The following RBFOX1 variants were observed in gnomAD, a reference collection of about 807,000 sequenced individuals.
The protein encoded by RBFOX1 is RNA binding protein fox-1 homolog 1.
Under a neutral mutation model 57.7 loss-of-function variants are expected in RBFOX1, and 8 were observed. That is an observed-to-expected ratio of 0.14 (90% confidence interval 0.08 to 0.25). The LOEUF (loss-of-function observed/expected upper bound fraction) is 0.25. RBFOX1 is among the 10% of genes least tolerant of loss of function. RBFOX1 has a pLI of 1.00. For missense variants in RBFOX1, 611 were observed against 548.5 expected, an observed-to-expected ratio of 1.11 and a Z score of -1.14; for synonymous variants, 326 against 222.4, an observed-to-expected ratio of 1.47 and a Z score of -4.15.
chr16:6,144,188 A>G (rs1229947580), intron 1 of RBFOX1, among the ~76,000 whole-genome samples: 1 of 152,140 alleles, frequency 6.6e-6, no homozygotes, highest in Non-Finnish European at 1.5e-5. Context: ...TATATCCATT[A>G]GAATGCCATG....
intron 1 of RBFOX1, among the ~76,000 whole-genome samples, chr16:6,283,231 G>T (rs542276871): frequency 6.6e-6 from 1 of 152,280 alleles, no homozygotes; most frequent in Admixed American, 6.5e-5. Flanking sequence ...GGAGGCTGAG[G>T]TGGGAGGATC....
intron 4 of RBFOX1, among the ~76,000 whole-genome samples, chr16:7,164,097 G>C (rs2078949199): frequency 6.6e-6 from 1 of 152,092 alleles, no homozygotes; most frequent in Non-Finnish European, 1.5e-5. Context: ...CCAGTGTGTA[G>C]TCTTTTCTCC....
chr16:6,980,338 A>C (rs1186039379), intron 3 of RBFOX1, among the ~76,000 whole-genome samples: 3 of 152,214 alleles, frequency 2.0e-5, no homozygotes. Flanking sequence ...TTTTTGTTCC[A>C]GATGAGGACT....
At chr16:7,090,403 C>T (rs1034028808) in intron 4 of RBFOX1, among the ~76,000 whole-genome samples, 8 of 152,100 alleles carry the variant, frequency 5.3e-5, no homozygotes, top group Non-Finnish European at 1.0e-4. Context: ...TCTCCCTTCT[C>T]TAGACTGACT....
intron 3 of RBFOX1, among the ~76,000 whole-genome samples, chr16:6,957,490 T>C (rs1263955651): frequency 6.6e-6 from 1 of 152,164 alleles, no homozygotes; most frequent in Non-Finnish European, 1.5e-5. Flanking sequence ...TTCCTGACGT[T>C]GCCATGGCAT....
intron 3 of RBFOX1, among the ~76,000 whole-genome samples, chr16:7,038,199 G>A (rs183565713): frequency 1.3e-3 from 197 of 152,208 alleles, no homozygotes; most frequent in African/African-American, 4.6e-3. Flanking sequence ...GATGGTCCCA[G>A]GAGACCGGTT....
At chr16:6,755,421 T>C (rs867518944) in intron 3 of RBFOX1, among the ~76,000 whole-genome samples, 5 of 152,200 alleles carry the variant, frequency 3.3e-5, no homozygotes, top group Admixed American at 2.6e-4. Flanking sequence ...GGTATCTCAT[T>C]GTGGTTTTGA....
chr16:7,082,673 A>G (rs931130882), intron 4 of RBFOX1, among the ~76,000 whole-genome samples: 1 of 152,232 alleles, frequency 6.6e-6, no homozygotes, highest in Non-Finnish European at 1.5e-5. Flanking sequence ...CTGTTTAATG[A>G]AGGCTTGCAG....
At chr16:7,418,789 T>TC (rs1555883825) in intron 4 of RBFOX1, among the ~76,000 whole-genome samples, 5 of 152,184 alleles carry the variant, frequency 3.3e-5, no homozygotes, top group Admixed American at 1.3e-4. Flanking sequence ...TATCTCTGTC[T>TC]TTCTCTGTCT....
intron 3 of RBFOX1, among the ~76,000 whole-genome samples, chr16:5,840,416 G>A (rs546629387): frequency 6.6e-6 from 1 of 152,294 alleles, no homozygotes; most frequent in Admixed American, 6.5e-5. Flanking sequence ...GAGGCTGTGT[G>A]CCCCAGAGGA....
At chr16:6,680,505 C>T (rs562640427) in intron 3 of RBFOX1, among the ~76,000 whole-genome samples, 12 of 152,140 alleles carry the variant, frequency 7.9e-5, no homozygotes, top group Admixed American at 5.2e-4. Flanking sequence ...CCTCATGATC[C>T]GCCTGCCTCG....
chr16:5,848,165 G>T (rs1005617303), intron 3 of RBFOX1, among the ~76,000 whole-genome samples: 1 of 152,096 alleles, frequency 6.6e-6, no homozygotes, highest in Admixed American at 6.5e-5. Context: ...TTTGCAAGCA[G>T]GTTGCAGTTT....
chr16:7,007,549 C>A (rs1489912564), intron 3 of RBFOX1, among the ~76,000 whole-genome samples: 1 of 152,116 alleles, frequency 6.6e-6, no homozygotes, highest in Non-Finnish European at 1.5e-5. Flanking sequence ...GGAAGTGGGG[C>A]ATAAATTTGC....
At chr16:5,999,433 A>C (rs1388425131) in intron 4 of RBFOX1, among the ~76,000 whole-genome samples, 11 of 152,324 alleles carry the variant, frequency 7.2e-5, no homozygotes, top group African/African-American at 2.6e-4. Context: ...ACTTATTTGC[A>C]GGATCATTTG....
intron 3 of RBFOX1, among the ~76,000 whole-genome samples, chr16:6,920,371 CTT>C (rs1357438020): frequency 5.3e-5 from 8 of 152,134 alleles, no homozygotes; most frequent in Non-Finnish European, 1.0e-4. Flanking sequence ...CAATCTCTCT[CTT>C]CTGCATGAAA....
At chr16:7,389,619 A>G (rs2148380226) in intron 4 of RBFOX1, among the ~76,000 whole-genome samples, 1 of 152,332 alleles carries the variant, frequency 6.6e-6, no homozygotes, top group South Asian at 2.1e-4. Flanking sequence ...AAAAACAATA[A>G]TAAGCATAAT....
intron 4 of RBFOX1, among the ~76,000 whole-genome samples, chr16:5,917,596 G>T (rs181667783): frequency 6.6e-6 from 1 of 152,156 alleles, no homozygotes; most frequent in Non-Finnish European, 1.5e-5. Context: ...GACTGCACTG[G>T]GTGTGTCCAT....
chr16:7,033,069 G>A (rs954465182), intron 3 of RBFOX1, among the ~76,000 whole-genome samples: 1 of 152,188 alleles, frequency 6.6e-6, no homozygotes, highest in African/African-American at 2.4e-5. Flanking sequence ...CAGAAGGCAA[G>A]AAAGGAATGC....
chr16:7,612,320 C>CAAAAAAAAAA (rs60248765), intron 10 of RBFOX1, among the ~76,000 whole-genome samples: 1 of 71,478 alleles, frequency 1.4e-5, no homozygotes, highest in African/African-American at 6.5e-5. Context: ...GACTCCATCT[C>CAAAAAAAAAA]AAAAAAAAAA....
Sources: gnomAD v4.1 joint callset for allele counts (sites outside exome capture counted in the v4.1 genomes callset) on GRCh38, gnomAD v4.1.1 for gene constraint, MANE v1.5 for transcripts, NCBI Gene and HGNC (gene_info 2026-07-23, HGNC 2026-07-21) for gene names.